TMEM167A: variants seen among roughly 807,000 people sequenced by gnomAD.
The protein encoded by TMEM167A is protein kish-A.
Under a neutral mutation model 11.6 loss-of-function variants are expected in TMEM167A, and 8 were observed. That is an observed-to-expected ratio of 0.69 (90% CI 0.40 to 1.24). The LOEUF (loss-of-function observed/expected upper bound fraction) is 1.24, where lower values mean the gene tolerates loss of function less well. TMEM167A is among the 50% of genes most tolerant of loss of function. The pLI, the probability that TMEM167A is intolerant of heterozygous loss-of-function variation, is 0.01. For missense variants in TMEM167A, 62 were observed against 87.0 expected, an observed-to-expected ratio of 0.71 and a Z score of 1.14; for synonymous variants, 22 against 28.0, an observed-to-expected ratio of 0.79 and a Z score of 0.67.
In TMEM167A at chr5:83,055,737, T is replaced by G. The variant is rs1744319461; in HGVS notation, c.*1347A>C. On this transcript the variant is annotated 3_prime_UTR_variant, in exon 4 of 4. Coordinates refer to ENST00000502346, the MANE Select transcript of TMEM167A (RefSeq NM_174909.5). ...GGTTTAAATTAGTCTAAAATAAAAA[T>G]AGGTGGCTTTCAGTTCCATACGTTG... The G allele has an allele frequency of 6.6e-6, 1 of 151,862 alleles. No homozygotes were observed. Among genetic ancestry groups the G allele is most frequent in the Non-Finnish European group, 1.5e-5 (1 of 67,886 alleles). The allele number at this position is 151,862 out of a possible 1,614,324, so 9.4% of individuals were successfully genotyped here.
At position 83,056,291 on chromosome 5, in the gene TMEM167A, A is replaced by G. The variant is rs1744330317; in HGVS notation, c.*793T>C. On this transcript the variant is annotated 3_prime_UTR_variant, in exon 4 of 4. Coordinates refer to ENST00000502346, the MANE Select transcript of TMEM167A (RefSeq NM_174909.5). The stretch of plus-strand genomic sequence containing the variant: ...AAGCCATGACACTAAAAAGAATGAA[A>G]AACACATATAGGATAATTATTTTAT... 2.6e-5 allele frequency: 4 copies of G among 152,042 alleles called. No individual in the cohort carries two copies. Among genetic ancestry groups the G allele is most frequent in the Admixed American group, 2.0e-4 (3 of 15,240 alleles). The allele number at this position is 152,042 out of a possible 1,614,324, so 9.4% of individuals were successfully genotyped here. A position where few individuals can be genotyped will look rare whatever the true frequency, so the allele number is the denominator to read the frequency against.
chr5:83,070,893 T>A (rs1237513028), intron 1 of TMEM167A, among the ~76,000 whole-genome samples: 4 of 152,062 alleles, frequency 2.6e-5, no homozygotes, highest in African/African-American at 9.7e-5. Flanking sequence ...GCTCAAGGTA[T>A]TTATTAACAA....
intron 1 of TMEM167A, among the ~76,000 whole-genome samples, chr5:83,067,082 TTAAGAAACCTGG>T (rs1470015311): frequency 6.6e-6 from 1 of 152,128 alleles, no homozygotes; most frequent in Admixed American, 6.5e-5. Context: ...ATAACATGGA[TTAAGAAACCTGG>T]TATGCCAGAT....
At chr5:83,066,525 A>C (rs1231510909) in intron 1 of TMEM167A, among the ~76,000 whole-genome samples, 2 of 152,228 alleles carry the variant, frequency 1.3e-5, no homozygotes, top group African/African-American at 2.4e-5. Context: ...GATAGCATCC[A>C]GAACGAACAG....
chr5:83,077,170 C>T lies in TMEM167A; in HGVS notation c.3+151G>A, dbSNP rs1744693808. On this transcript the variant is annotated intron_variant, in intron 1 of 3. Transcript: ENST00000502346. The stretch of plus-strand genomic sequence containing the variant: ...CTTCCTCGGACAGTCCGTCCTGATT[C>T]TCTCTGGTTGGCCGTGGAGGGACCA... 3.6e-6 allele frequency: 4 copies of T among 1,116,536 alleles called. No individual in the cohort carries two copies. In the Admixed American group the frequency reaches 5.5e-5, roughly 15 times the overall value. The allele number at this position is 1,116,536 out of a possible 1,614,324, so 69.2% of individuals were successfully genotyped here.
chr5:83,061,699 T>A (rs923859995), intron 3 of TMEM167A, among the ~76,000 whole-genome samples, 178 bp downstream of exon 3: 5 of 152,206 alleles, frequency 3.3e-5, no homozygotes, highest in African/African-American at 1.2e-4. Flanking sequence ...CTGGCCCAAA[T>A]GTGGTTTTAA....
chr5:83,071,059 G>A (rs914625388), intron 1 of TMEM167A, among the ~76,000 whole-genome samples: 1 of 152,120 alleles, frequency 6.6e-6, no homozygotes, highest in Non-Finnish European at 1.5e-5. Context: ...AACAAGCTGT[G>A]GCTAGAGTGC....
At chr5:83,071,891 A>T (rs1744566934) in intron 1 of TMEM167A, among the ~76,000 whole-genome samples, 1 of 152,216 alleles carries the variant, frequency 6.6e-6, no homozygotes, top group Non-Finnish European at 1.5e-5. Flanking sequence ...CCTTAGGTGA[A>T]TCAACATCTC....
chr5:83,064,577 G>A (rs1580175213), intron 2 of TMEM167A, among the ~76,000 whole-genome samples: 1 of 152,078 alleles, frequency 6.6e-6, no homozygotes, highest in Non-Finnish European at 1.5e-5. Flanking sequence ...TGTCTACTTG[G>A]ATAGAAAGAC....
At chr5:83,068,047 T>C (rs1388608771) in intron 1 of TMEM167A, among the ~76,000 whole-genome samples, 2 of 152,202 alleles carry the variant, frequency 1.3e-5, no homozygotes, top group Non-Finnish European at 1.5e-5. Context: ...CATAAATCAA[T>C]GAATTAGCTC....
chr5:83,071,191 G>C (rs1319575642), intron 1 of TMEM167A, among the ~76,000 whole-genome samples: 1 of 151,978 alleles, frequency 6.6e-6, no homozygotes, highest in African/African-American at 2.4e-5. Context: ...GTTGATTAAG[G>C]GGCTTATTTA....
At position 83,065,276 on chromosome 5, in the gene TMEM167A, C is replaced by T. The variant is rs2112243769; in HGVS notation, c.4-159G>A. ...CTTAAAACCAGAATCTTGAGGTCTTCTACAGTCTTCAAGCTCTGCCAATAG... is the reference window on the plus strand; with the variant it reads ...CTTAAAACCAGAATCTTGAGGTCTTTTACAGTCTTCAAGCTCTGCCAATAG... On this transcript the variant is annotated intron_variant, in intron 1 of 3. Coordinates refer to ENST00000502346, the MANE Select transcript of TMEM167A (RefSeq NM_174909.5). 2.0e-5 allele frequency among the ~76,000 whole-genome samples: 3 copies of T among 152,070 alleles called. No homozygotes were observed. The South Asian group carries it at 6.2e-4, about 32-fold the overall frequency.
intron 1 of TMEM167A, among the ~76,000 whole-genome samples, chr5:83,075,905 G>A (rs1384053169): frequency 6.6e-6 from 1 of 152,086 alleles, no homozygotes; most frequent in East Asian, 1.9e-4. Flanking sequence ...ACCTCACTTC[G>A]TAGCTCTGCA....
Position 83,056,445 on chromosome 5 carries a change from A to AC in TMEM167A, c.*638_*639insG, listed in dbSNP as rs1744333242. On this transcript the variant is annotated 3_prime_UTR_variant, in exon 4 of 4. Transcript: ENST00000502346. ...CCTACTATGTCATTTGGCTAGTCTAAATCCACTAATGTTAACTATCAACAT... is the reference window on the plus strand; with the variant it reads ...CCTACTATGTCATTTGGCTAGTCTAACATCCACTAATGTTAACTATCAACAT... The AC allele has an allele frequency of 6.6e-6, 1 of 152,126 alleles. No homozygotes were observed. Among genetic ancestry groups the AC allele is most frequent in the South Asian group, 2.1e-4 (1 of 4,836 alleles). The allele number at this position is 152,126 out of a possible 1,614,324, so 9.4% of individuals were successfully genotyped here. A position where few individuals can be genotyped will look rare whatever the true frequency, so the allele number is the denominator to read the frequency against.
intron 1 of TMEM167A, among the ~76,000 whole-genome samples, chr5:83,072,439 T>C (rs1469883967): frequency 6.6e-6 from 1 of 152,254 alleles, no homozygotes; most frequent in Non-Finnish European, 1.5e-5. Context: ...GAAATCTAAC[T>C]GCTTATTAGA....
Position 83,056,351 on chromosome 5 carries a change from T to C in TMEM167A, c.*733A>G, listed in dbSNP as rs563118968. On this transcript the variant is annotated 3_prime_UTR_variant, in exon 4 of 4. Coordinates refer to ENST00000502346, the MANE Select transcript of TMEM167A (RefSeq NM_174909.5). ...TTTCATTCTAAGAACGTTGTGTTTT[T>C]CAGAGAAAGACAGCTTTCCAGCAAA... The C allele has an allele frequency of 6.6e-6, 1 of 152,152 alleles. No homozygotes were observed. Among genetic ancestry groups the C allele is most frequent in the African/African-American group, 2.4e-5 (1 of 41,552 alleles). 9.4% of individuals were successfully genotyped at this position (152,152 alleles called of 1,614,324 possible). A position where few individuals can be genotyped will look rare whatever the true frequency, so the allele number is the denominator to read the frequency against.
At chr5:83,066,092 G>A (rs949654996) in intron 1 of TMEM167A, among the ~76,000 whole-genome samples, 1 of 152,036 alleles carries the variant, frequency 6.6e-6, no homozygotes, top group East Asian at 1.9e-4. Context: ...CCAATCATAT[G>A]CCTGTCTCAC....
At chr5:83,062,085 G>C in intron 2 of TMEM167A, 174 bp from the exon 3 acceptor site, 2 of 554,722 alleles carry the variant, frequency 3.6e-6, no homozygotes, top group East Asian at 3.1e-5. Context: ...TATGAAAGTA[G>C]GACACAATGA....
At chr5:83,060,953 G>T (rs886110638) in intron 3 of TMEM167A, among the ~76,000 whole-genome samples, 1 of 152,136 alleles carries the variant, frequency 6.6e-6, no homozygotes, top group Non-Finnish European at 1.5e-5. Context: ...AGGGTGAATG[G>T]ATAGGAGTAT....
Sources: allele counts gnomAD v4.1 joint callset (sites outside exome capture counted in the v4.1 genomes callset), GRCh38; gene constraint gnomAD v4.1.1; transcripts MANE v1.5; gene names NCBI Gene and HGNC (gene_info 2026-07-23, HGNC 2026-07-21).